NOD1: variants seen among roughly 807,000 people sequenced by gnomAD.
NOD1 encodes nucleotide binding oligomerization domain containing 1, also known as nucleotide-binding oligomerization domain-containing protein 1.
Under a neutral mutation model 81.2 loss-of-function variants are expected in NOD1, and 70 were observed. The ratio of observed to expected loss-of-function variants is 0.86; its 90% CI spans 0.71 to 1.05. The LOEUF is 1.05. Ranked by LOEUF, NOD1 falls within the 50% of genes least tolerant of loss-of-function variation. The pLI is 0.00. For missense variants in NOD1, 1,233 were observed against 1,228.0 expected (o/e 1.00, Z -0.06); for synonymous variants, 508 against 526.9 (o/e 0.96, Z 0.49).
chr7:30,464,783 G>T (rs192210483), intron 1 of NOD1, among the ~76,000 whole-genome samples: 1 of 152,188 alleles, frequency 6.6e-6, no homozygotes, highest in Non-Finnish European at 1.5e-5. Context: ...TTTCTGTGCC[G>T]TGATTGCCTC....
At chr7:30,447,153 G>T (rs1785193851) in intron 7 of NOD1, 103 bp from the exon 8 acceptor site, 1 of 1,591,572 alleles carries the variant, frequency 6.3e-7, no homozygotes, top group Non-Finnish European at 8.6e-7. Flanking sequence ...CAAAGTCTGG[G>T]TTGAAAGGGG....
rs760276479 is a variant in NOD1, at chr7:30,436,036, C to G, written c.2583G>C (p.Ala861=). The part of the protein sequence containing the change: ...GISTEGGKSL[A]RALQQNTSLE... ...GAGACGTGTTCTGCTGCAGGGCCCT[C>G]GCAAGGCTCTTTCCTCCTTCTGTGG... is the stretch of plus-strand genomic sequence containing the variant. The change falls in exon 11 of 14, where the codon GCG becomes GCC. Residue 861 remains alanine, a synonymous_variant. Coordinates refer to ENST00000222823, the MANE Select transcript of NOD1 (RefSeq NM_006092.4). 6.2e-7 allele frequency: 1 copy of G among 1,614,202 alleles called. No homozygotes were observed. The highest frequency in any genetic ancestry group is 1.3e-5 in the African/African-American group (1 of 75,068).
intron 13 of NOD1, among the ~76,000 whole-genome samples, chr7:30,426,628 A>C (rs1783481535): frequency 6.6e-6 from 1 of 151,904 alleles, no homozygotes; most frequent in Non-Finnish European, 1.5e-5. Flanking sequence ...CAAACTGTTC[A>C]CTGACTTTCC....
intron 9 of NOD1, among the ~76,000 whole-genome samples, chr7:30,445,756 CAAAAAAAAAAAAAAA>C (rs35669955): frequency 2.8e-5 from 1 of 36,072 alleles, no homozygotes; most frequent in African/African-American, 1.1e-4. Flanking sequence ...GAGACTCTGT[CAAAAAAAAAAAAAAA>C]AAAAAAAAAA....
intron 13 of NOD1, among the ~76,000 whole-genome samples, chr7:30,427,904 TC>T (rs1402093478): frequency 1.3e-5 from 2 of 152,172 alleles, no homozygotes; most frequent in African/African-American, 4.8e-5. Flanking sequence ...CCTGCTGTCC[TC>T]AAAACTTAAG....
chr7:30,450,627 A>C (rs1785592751), intron 6 of NOD1, among the ~76,000 whole-genome samples: 1 of 152,224 alleles, frequency 6.6e-6, no homozygotes, highest in Admixed American at 6.5e-5. Context: ...GAAAGTCACC[A>C]GTGCCAACTG....
intron 1 of NOD1, among the ~76,000 whole-genome samples, chr7:30,461,824 C>T (rs552347221): frequency 5.9e-5 from 9 of 152,270 alleles, no homozygotes; most frequent in Admixed American, 3.9e-4. Flanking sequence ...CTGCAAGCTC[C>T]GCCTCCCGGG....
intron 12 of NOD1, 129 bp from the exon 13 acceptor site, chr7:30,429,586 CTT>C: frequency 2.7e-6 from 2 of 736,360 alleles, no homozygotes; most frequent in South Asian, 3.0e-5. Context: ...GTCCATGTGA[CTT>C]TGTATCTGGC....
intron 1 of NOD1, chr7:30,460,421 T>C (rs1328009591): frequency 6.1e-6 from 6 of 985,258 alleles, no homozygotes; most frequent in East Asian, 1.1e-4. Flanking sequence ...AGGACGGAGA[T>C]TGGGCTGGGG....
chr7:30,460,293 G>C, intron 1 of NOD1: 1 of 985,436 alleles, frequency 1.0e-6, no homozygotes, highest in Non-Finnish European at 1.2e-6. Flanking sequence ...CTTATTACCA[G>C]AAACACCAGA....
intron 4 of NOD1, 64 bp from the exon 5 acceptor site, chr7:30,455,375 C>G (rs1786245736): frequency 1.4e-6 from 2 of 1,398,732 alleles, no homozygotes; most frequent in East Asian, 2.3e-5. Context: ...CCATAAGGAC[C>G]CTCAGGCAGG....
At position 30,456,925 on chromosome 7, in the gene NOD1, T is replaced by C; in HGVS notation, c.-4A>G. ...CACTGTGGCCCTGCTCTTCCATAGT[T>C]AAAGTAGCAAGCGGCTACTTTTCCC... On this transcript the variant is annotated 5_prime_UTR_variant, in exon 4 of 14. Coordinates refer to ENST00000222823, the MANE Select transcript of NOD1 (RefSeq NM_006092.4). 1 of 1,613,598 alleles carries C rather than the reference T, an allele frequency of 6.2e-7. No individual in the cohort carries two copies. The highest frequency in any genetic ancestry group is 8.5e-7 in the Non-Finnish European group (1 of 1,179,484).
chr7:30,473,602 T>C (rs1358310640), intron 1 of NOD1, among the ~76,000 whole-genome samples: 14 of 152,316 alleles, frequency 9.2e-5, no homozygotes, highest in Non-Finnish European at 4.4e-5. Context: ...TGAGGTTTAA[T>C]GTTATCTGGA....
chr7:30,432,859 G>T (rs1325009831), intron 12 of NOD1, among the ~76,000 whole-genome samples: 5 of 152,176 alleles, frequency 3.3e-5, no homozygotes, highest in Non-Finnish European at 4.4e-5. Context: ...ACAGAAAGCG[G>T]ATTAGTGGTT....
intron 1 of NOD1, chr7:30,460,693 G>A: frequency 1.0e-6 from 1 of 985,350 alleles, no homozygotes; most frequent in Non-Finnish European, 1.2e-6. Context: ...AAAGGCAGGT[G>A]GGGGTAGAGC....
At chr7:30,473,242 A>G (rs1163636969) in intron 1 of NOD1, among the ~76,000 whole-genome samples, 2 of 152,238 alleles carry the variant, frequency 1.3e-5, no homozygotes, top group African/African-American at 4.8e-5. Context: ...CCAGAACTCA[A>G]GAAGAGGCCA....
At position 30,425,593 on chromosome 7, in the gene NOD1, G is replaced by C; in HGVS notation, c.*45C>G. 1 of 1,444,084 alleles carries C rather than the reference G, an allele frequency of 6.9e-7. No homozygotes were observed. The highest frequency in any genetic ancestry group is 1.4e-5 in the African/African-American group (1 of 71,796). 89.5% of individuals were successfully genotyped at this position (1,444,084 alleles called of 1,614,324 possible). A position where few individuals can be genotyped will look rare whatever the true frequency, so the allele number is the denominator to read the frequency against. ...AAGACTGCCCAGAGTGGCATTTGCT[G>C]CTGAGGCTCCAGGGCAAAAACCCCA... On this transcript the variant is annotated 3_prime_UTR_variant, in exon 14 of 14. Coordinates refer to ENST00000222823, the MANE Select transcript of NOD1 (RefSeq NM_006092.4).
intron 13 of NOD1, among the ~76,000 whole-genome samples, chr7:30,427,399 A>C (rs1783548906): frequency 6.6e-6 from 1 of 152,230 alleles, no homozygotes; most frequent in Non-Finnish European, 1.5e-5. Flanking sequence ...TTACTCTGTA[A>C]GTGTTGGCTC....
chr7:30,451,337 C>T lies in NOD1; in HGVS notation c.2080G>A (p.Ala694Thr), dbSNP rs199475903. ...YCNACSADCS[A>T]LSFVLHHFPK... ...AAGTGATGCAGGACGAAGGAGAGGGCGCTGCAGTCGGCCGAGCAGGCGTTG... is the reference window on the plus strand; with the variant it reads ...AAGTGATGCAGGACGAAGGAGAGGGTGCTGCAGTCGGCCGAGCAGGCGTTG... Residue 694 changes from alanine (A) to threonine (T), a missense_variant, in exon 6 of 14, where the codon GCC (alanine) becomes ACC (threonine). Transcript: ENST00000222823. This position sits in a 1 kb window ranked among gnomAD's most constrained non-coding sequence, Gnocchi z 4.2. The T allele has an allele frequency of 3.2e-5, 51 of 1,614,178 alleles. No individual in the cohort carries two copies. The highest frequency in any genetic ancestry group is 5.3e-5 in the African/African-American group (4 of 75,056).
Sources: allele counts gnomAD v4.1 joint callset (sites outside exome capture counted in the v4.1 genomes callset), GRCh38; gene constraint gnomAD v4.1.1; non-coding constraint Gnocchi (gnomAD v3.1); transcripts MANE v1.5; gene names NCBI Gene and HGNC (gene_info 2026-07-23, HGNC 2026-07-21).